The following HNRNPUL1 variants were observed in gnomAD, a reference collection of about 807,000 sequenced individuals.
The protein encoded by HNRNPUL1 is heterogeneous nuclear ribonucleoprotein U-like protein 1.
HNRNPUL1 carries 14 observed loss-of-function variants against 108.5 expected under a neutral mutation model. The observed-to-expected ratio is 0.13, with a 90% CI of 0.09 to 0.20. HNRNPUL1 has a LOEUF of 0.20. HNRNPUL1 is among the 10% of genes least tolerant of loss of function. The pLI, the probability that HNRNPUL1 is intolerant of heterozygous loss-of-function variation, is 1.00. For missense variants in HNRNPUL1, 804 were observed against 1,168.3 expected, an observed-to-expected ratio of 0.69 and a Z score of 4.55; for synonymous variants, 422 against 445.2, an observed-to-expected ratio of 0.95 and a Z score of 0.66.
chr19:41,276,724 C>G (rs1026195825), intron 5 of HNRNPUL1: 1 of 158,326 alleles, frequency 6.3e-6, no homozygotes, highest in African/African-American at 2.4e-5. Context: ...CTCCACAGTT[C>G]CATGTCAAGT....
chr19:41,306,352 T>C, intron 14 of HNRNPUL1, 97 bp from the exon 15 acceptor site: 1 of 754,172 alleles, frequency 1.3e-6, no homozygotes, highest in Non-Finnish European at 2.1e-6. Flanking sequence ...CTGTTGTCAC[T>C]GCAGCTGTCT....
chr19:41,301,440 T>A (rs182230701), intron 10 of HNRNPUL1, 96 bp from the exon 11 acceptor site: 20 of 987,162 alleles, frequency 2.0e-5, no homozygotes, highest in Non-Finnish European at 2.4e-5. Context: ...AGCACTGATA[T>A]CCTTTTCTCA....
Position 41,273,977 on chromosome 19 carries a change from T to C in HNRNPUL1, c.573-5T>C, listed in dbSNP as rs570692684. ...TGTATGACTTAACCCCTGTTTCTAA[T>C]ACAGGGGCCGCTCTCCTCAGCCTCC... On this transcript the variant is annotated splice_polypyrimidine_tract_variant and splice_region_variant and intron_variant, in intron 3 of 14. Coordinates refer to ENST00000392006, the MANE Select transcript of HNRNPUL1 (RefSeq NM_007040.6). 2 of 1,611,198 alleles carry C rather than the reference T, an allele frequency of 1.2e-6. No individual in the cohort carries two copies. The highest frequency in any genetic ancestry group is 2.7e-5 in the African/African-American group (2 of 74,968).
chr19:41,302,976 C>T (rs2037324057), intron 12 of HNRNPUL1, 27 bp downstream of exon 12: 16 of 1,509,610 alleles, frequency 1.1e-5, no homozygotes, highest in Non-Finnish European at 1.4e-5. Flanking sequence ...ACAGCACTCT[C>T]CACTTTCTGT....
rs371496172 is a variant in HNRNPUL1 at position 41,286,946 on chromosome 19, G to T, written c.1000-5299G>T. ...TTGGCCAGGCTGGTCTCGAACTCCTGACCTCAGATGATCCGCCCGCCTCAG... is the reference window on the plus strand; with the variant it reads ...TTGGCCAGGCTGGTCTCGAACTCCTTACCTCAGATGATCCGCCCGCCTCAG... On this transcript the variant is annotated intron_variant, in intron 7 of 14. Coordinates refer to ENST00000392006, the MANE Select transcript of HNRNPUL1 (RefSeq NM_007040.6). 7.9e-5 allele frequency among the ~76,000 whole-genome samples: 12 copies of T among 151,902 alleles called. No homozygotes were observed. In the East Asian group the frequency reaches 1.4e-3, roughly 17 times the overall value.
At position 41,264,462 on chromosome 19, in the gene HNRNPUL1, G is replaced by C. The variant is rs769110431; in HGVS notation, c.-42G>C. On this transcript the variant is annotated 5_prime_UTR_variant, in exon 1 of 15. Coordinates refer to ENST00000392006, the MANE Select transcript of HNRNPUL1 (RefSeq NM_007040.6). ...AGGTTTAAGGGGGACAGAGCCCTGG[G>C]AGGCCGGGCCGGGCTCGGGGGCCAC... The C allele has an allele frequency of 3.9e-5, 52 of 1,338,866 alleles. No homozygotes were observed. In the East Asian group the frequency reaches 1.6e-3, roughly 41 times the overall value. The allele number at this position is 1,338,866 out of a possible 1,614,324, so 82.9% of individuals were successfully genotyped here.
chr19:41,280,183 A>G (rs540056293), intron 6 of HNRNPUL1, among the ~76,000 whole-genome samples: 90 of 152,306 alleles, frequency 5.9e-4, no homozygotes, highest in African/African-American at 2.1e-3. Context: ...GGACTTAGAG[A>G]GTGGAATAAT....
chr19:41,273,749 C>T (rs1056017347), intron 3 of HNRNPUL1, among the ~76,000 whole-genome samples: 2 of 152,158 alleles, frequency 1.3e-5, no homozygotes, highest in African/African-American at 4.8e-5. Context: ...CTGATGCCCC[C>T]CTTCAGCAGA....
At chr19:41,282,177 T>C (rs1019877057) in intron 7 of HNRNPUL1, among the ~76,000 whole-genome samples, 1 of 152,146 alleles carries the variant, frequency 6.6e-6, no homozygotes, top group Non-Finnish European at 1.5e-5. Flanking sequence ...CCTTCTTCTT[T>C]TTTATTTATT....
chr19:41,287,086 G>A (rs1000376119), intron 7 of HNRNPUL1, among the ~76,000 whole-genome samples: 1 of 151,864 alleles, frequency 6.6e-6, no homozygotes, highest in African/African-American at 2.4e-5. Flanking sequence ...CGTGATCTCG[G>A]CTCACTGCAA....
chr19:41,279,260 C>G, intron 6 of HNRNPUL1, 84 bp downstream of exon 6: 3 of 926,474 alleles, frequency 3.2e-6, no homozygotes, highest in Non-Finnish European at 5.2e-6. Flanking sequence ...GCTTCCTTTT[C>G]CAGCGTCAGA....
At chr19:41,284,207 A>G (rs2036073572) in intron 7 of HNRNPUL1, among the ~76,000 whole-genome samples, 1 of 152,218 alleles carries the variant, frequency 6.6e-6, no homozygotes. Flanking sequence ...AAAAATTTGA[A>G]TTGGTTGATA....
chr19:41,272,258 AC>A (rs1298043982), intron 3 of HNRNPUL1, 23 bp downstream of exon 3: 1 of 1,608,282 alleles, frequency 6.2e-7, no homozygotes. Context: ...GGCAGCAGTC[AC>A]CCTTGCTCTG....
chr19:41,290,827 C>T (rs1056032604), intron 7 of HNRNPUL1, among the ~76,000 whole-genome samples: 6 of 152,128 alleles, frequency 3.9e-5, no homozygotes, highest in East Asian at 1.9e-4. Flanking sequence ...GAGGCTGAGG[C>T]GGGTGGATCA....
In HNRNPUL1 at chr19:41,292,202, T is replaced by G; in HGVS notation, c.1000-43T>G. On this transcript the variant is annotated intron_variant, in intron 7 of 14. Transcript: ENST00000392006. This position sits in a 1 kb window ranked among gnomAD's most constrained non-coding sequence, Gnocchi z 4.1. ...CCTCACATTTGACTCCCAGTGCCTA[T>G]GGCAAGAGTTGGCAATCATATTCCT... 1 of 1,602,490 alleles carries G rather than the reference T, an allele frequency of 6.2e-7. No homozygotes were observed. Among genetic ancestry groups the G allele is most frequent in the Non-Finnish European group, 8.5e-7 (1 of 1,171,218 alleles).
chr19:41,303,080 A>T, intron 12 of HNRNPUL1, 131 bp downstream of exon 12: 23 of 1,069,168 alleles, frequency 2.2e-5, no homozygotes, highest in Non-Finnish European at 3.0e-5. Flanking sequence ...AGAAAACTTG[A>T]AACAAGTCAG....
In HNRNPUL1 at chr19:41,268,270, G is replaced by A; in HGVS notation, c.343G>A (p.Val115Ile). The change falls in exon 2 of 15, where the codon GTC becomes ATC. Residue 115 changes from valine to isoleucine, a missense_variant. Around this residue, in one of 4 missense-constraint regions of HNRNPUL1, gnomAD observed 256 missense variants for 261.6 expected, o/e 0.98. Transcript: ENST00000392006. ...TRQNQFYDTQ[V>I]IKQENESGYE... ...GCAGAACCAATTCTACGATACCCAA[G>A]TCATCAAACAAGAAAACGAGTCAGG... 1.2e-6 allele frequency: 2 copies of A among 1,614,036 alleles called. No individual in the cohort carries two copies. Among genetic ancestry groups the A allele is most frequent in the Non-Finnish European group, 1.7e-6 (2 of 1,179,976 alleles).
chr19:41,297,214 AGTGTACT>A, intron 10 of HNRNPUL1, among the ~76,000 whole-genome samples: 1 of 152,224 alleles, frequency 6.6e-6, no homozygotes, highest in Non-Finnish European at 1.5e-5. Context: ...TCACGCACTC[AGTGTACT>A]GATAGATCAC....
intron 7 of HNRNPUL1, among the ~76,000 whole-genome samples, chr19:41,289,620 C>T (rs1188508959): frequency 2.6e-5 from 4 of 151,352 alleles, no homozygotes; most frequent in East Asian, 1.9e-4. Context: ...TTGAGGGCGC[C>T]GGTTTCTGTG....
Sources: allele counts gnomAD v4.1 joint callset (sites outside exome capture counted in the v4.1 genomes callset), GRCh38; gene constraint gnomAD v4.1.1; regional missense constraint gnomAD v4.1.1; non-coding constraint Gnocchi (gnomAD v3.1); transcripts MANE v1.5; gene names NCBI Gene and HGNC (gene_info 2026-07-23, HGNC 2026-07-21).